Variants in AGBL1 observed in about 807,000 individuals in gnomAD.
AGBL1 encodes cytosolic carboxypeptidase 4.
Under a neutral mutation model 118.9 loss-of-function variants are expected in AGBL1, and 130 were observed. That is an observed-to-expected ratio of 1.09 (90% CI 0.95 to 1.26). AGBL1 has a LOEUF of 1.26. Ranked by LOEUF, AGBL1 falls within the 50% of genes most tolerant of loss-of-function variation. The probability of loss-of-function intolerance (pLI) is 0.00; values close to 1 mark genes in which losing one functional copy is unlikely to be tolerated. For missense variants in AGBL1, 1,584 were observed against 1,298.1 expected (o/e 1.22, Z -3.38); for synonymous variants, 555 against 478.9 (o/e 1.16, Z -2.08).
intron 4 of AGBL1, among the ~76,000 whole-genome samples, chr15:86,157,843 C>T (rs138119834): frequency 2.9e-3 from 439 of 152,246 alleles, no homozygotes; most frequent in Non-Finnish European, 4.9e-3. Flanking sequence ...ACAGAGCTGC[C>T]GGAGCTCTAA....
At chr15:86,484,728 A>G (rs1198032755) in intron 18 of AGBL1, among the ~76,000 whole-genome samples, 2 of 152,118 alleles carry the variant, frequency 1.3e-5, no homozygotes, top group Non-Finnish European at 2.9e-5. Flanking sequence ...AGAAATTCCA[A>G]AGCATCTCTT....
At chr15:86,245,101 A>G (rs922374692) in intron 6 of AGBL1, among the ~76,000 whole-genome samples, 2 of 152,208 alleles carry the variant, frequency 1.3e-5, no homozygotes, top group Non-Finnish European at 2.9e-5. Context: ...CACCAACTGC[A>G]CAAATGGGCC....
At chr15:86,540,517 C>T (rs1473333643) in intron 19 of AGBL1, among the ~76,000 whole-genome samples, 1 of 152,016 alleles carries the variant, frequency 6.6e-6, no homozygotes, top group Admixed American at 6.6e-5. Flanking sequence ...ATTGCTTGAA[C>T]CTGGGACATG....
At chr15:86,294,054 A>T (rs970007845) in intron 16 of AGBL1, among the ~76,000 whole-genome samples, 3 of 151,966 alleles carry the variant, frequency 2.0e-5, no homozygotes, top group African/African-American at 7.3e-5. Flanking sequence ...CCTCTCTATG[A>T]CTGGTGCCCC....
chr15:86,819,834 G>C (rs886581690), intron 22 of AGBL1, among the ~76,000 whole-genome samples: 1 of 152,058 alleles, frequency 6.6e-6, no homozygotes, highest in Admixed American at 6.6e-5. Context: ...ATATAGCCAA[G>C]ACAATCCTAA....
chr15:86,463,588 C>G (rs564080180), intron 18 of AGBL1, among the ~76,000 whole-genome samples: 17 of 152,262 alleles, frequency 1.1e-4, no homozygotes, highest in African/African-American at 4.1e-4. Flanking sequence ...ATGTTTAAAT[C>G]TTTAATCCAT....
At chr15:86,457,567 C>T (rs887880702) in intron 18 of AGBL1, among the ~76,000 whole-genome samples, 6 of 152,166 alleles carry the variant, frequency 3.9e-5, no homozygotes, top group South Asian at 4.1e-4. Flanking sequence ...ATCTATGTCT[C>T]GGGAAAAGTG....
intron 22 of AGBL1, among the ~76,000 whole-genome samples, chr15:86,711,934 T>A (rs2086566886): frequency 6.6e-6 from 1 of 152,180 alleles, no homozygotes; most frequent in South Asian, 2.1e-4. Flanking sequence ...ACATTTTAGG[T>A]GCTTTCATTT....
intron 18 of AGBL1, among the ~76,000 whole-genome samples, chr15:86,495,373 T>G (rs2082835740): frequency 6.8e-6 from 1 of 147,514 alleles, no homozygotes; most frequent in Non-Finnish European, 1.5e-5. Flanking sequence ...AAAGGTATTT[T>G]TTTTTAAATA....
chr15:86,820,525 G>C (rs1028732333), intron 22 of AGBL1, among the ~76,000 whole-genome samples: 1 of 152,194 alleles, frequency 6.6e-6, no homozygotes, highest in Admixed American at 6.5e-5. Flanking sequence ...AGAAGGATAT[G>C]AACAAACACT....
chr15:86,914,617 A>T lies in AGBL1; in HGVS notation c.*7323A>T, dbSNP rs910464075. The T allele has an allele frequency of 2.0e-5, 3 of 152,142 alleles. No individual in the cohort carries two copies. Among genetic ancestry groups the T allele is most frequent in the African/African-American group, 7.2e-5 (3 of 41,414 alleles). The allele number at this position is 152,142 out of a possible 1,614,324, so 9.4% of individuals were successfully genotyped here. A position where few individuals can be genotyped will look rare whatever the true frequency, so the allele number is the denominator to read the frequency against. On this transcript the variant is annotated 3_prime_UTR_variant, in exon 23 of 23. Coordinates refer to ENST00000614907, the MANE Select transcript of AGBL1 (RefSeq NM_001386094.1). The stretch of plus-strand genomic sequence containing the variant: ...CAGGTGTCATCATGTTTAAGCCTAA[A>T]ACTTCAGCCCAACGAGCTAAACTCT...
At chr15:86,085,996 G>A (rs1287613298) in intron 1 of AGBL1, among the ~76,000 whole-genome samples, 1 of 152,180 alleles carries the variant, frequency 6.6e-6, no homozygotes, top group Non-Finnish European at 1.5e-5. Flanking sequence ...CAGGGCAGAG[G>A]GTGGACAGGG....
intron 21 of AGBL1, among the ~76,000 whole-genome samples, chr15:86,600,108 T>C (rs924684318): frequency 6.6e-6 from 1 of 152,170 alleles, no homozygotes; most frequent in Admixed American, 6.6e-5. Flanking sequence ...TTATTACTGA[T>C]CTGAGCATGT....
chr15:86,164,091 C>G (rs1209853760), intron 5 of AGBL1, among the ~76,000 whole-genome samples: 1 of 152,194 alleles, frequency 6.6e-6, no homozygotes, highest in Admixed American at 6.5e-5. Flanking sequence ...AGTTCAGAGT[C>G]TTTTAGAGTT....
intron 22 of AGBL1, among the ~76,000 whole-genome samples, chr15:86,723,003 AACAG>A (rs1419491246): frequency 4.1e-5 from 5 of 120,506 alleles, no homozygotes; most frequent in Non-Finnish European, 6.6e-5. Context: ...GTCAGGGAAC[AACAG>A]GTGCTGGAGA....
At chr15:86,373,077 A>T (rs1864639) in intron 17 of AGBL1, among the ~76,000 whole-genome samples, 37,293 of 152,168 alleles carry the variant, frequency 0.25, 5,372 homozygotes, top group East Asian at 0.65. Context: ...TTTTGAAACT[A>T]GTCCCACATC....
intron 9 of AGBL1, among the ~76,000 whole-genome samples, chr15:86,260,220 G>A (rs549652648): frequency 1.1e-4 from 17 of 152,198 alleles, no homozygotes; most frequent in Non-Finnish European, 2.1e-4. Flanking sequence ...TGCCAGAGGC[G>A]TGAACAAGAA....
chr15:86,257,619 C>T (rs1392561125), intron 8 of AGBL1, among the ~76,000 whole-genome samples: 2 of 152,170 alleles, frequency 1.3e-5, no homozygotes, highest in African/African-American at 4.8e-5. Flanking sequence ...TAACACATTT[C>T]GTTTGTGTGT....
intron 18 of AGBL1, among the ~76,000 whole-genome samples, chr15:86,466,149 G>T (rs999449637): frequency 6.6e-6 from 1 of 152,028 alleles, no homozygotes; most frequent in African/African-American, 2.4e-5. Flanking sequence ...CCCGATATTT[G>T]GTCTTTTCAC....
Sources: allele counts gnomAD v4.1 joint callset (sites outside exome capture counted in the v4.1 genomes callset), GRCh38; gene constraint gnomAD v4.1.1; transcripts MANE v1.5; gene names NCBI Gene and HGNC (gene_info 2026-07-23, HGNC 2026-07-21).